Variants in HEATR5B observed in about 807,000 individuals in gnomAD.
The protein encoded by HEATR5B is HEAT repeat-containing protein 5B.
A neutral mutation model predicts 224.1 loss-of-function variants in HEATR5B; 156 were observed. The observed-to-expected ratio is 0.70, with a 90% confidence interval of 0.61 to 0.80. The LOEUF is 0.80. Among genes scored for constraint, HEATR5B ranks in the 30% least tolerant of loss-of-function variants. HEATR5B has a pLI of 0.00. For missense variants in HEATR5B, 2,323 were observed against 2,535.5 expected, an observed-to-expected ratio of 0.92 and a Z score of 1.80; for synonymous variants, 1,027 against 893.0, an observed-to-expected ratio of 1.15 and a Z score of -2.68.
chr2:37,000,882 T>A, intron 32 of HEATR5B, 69 bp from the exon 33 acceptor site: 1 of 1,065,454 alleles, frequency 9.4e-7, no homozygotes, highest in Non-Finnish European at 1.4e-6. Context: ...TTTCATTGCT[T>A]GTATTTTTTG....
At chr2:37,070,111 G>C (rs1460699221) in intron 7 of HEATR5B, 119 bp downstream of exon 7, 4 of 861,918 alleles carry the variant, frequency 4.6e-6, no homozygotes, top group Non-Finnish European at 7.4e-6. Flanking sequence ...TGTTAGTCAG[G>C]CTGGTCTCAA....
chr2:37,046,004 T>C (rs1241752219), intron 18 of HEATR5B, among the ~76,000 whole-genome samples: 1 of 152,200 alleles, frequency 6.6e-6, no homozygotes, highest in Admixed American at 6.5e-5. Context: ...GTACATTCTT[T>C]TAATGTTTAT....
rs6715167 is a variant in HEATR5B, at chr2:37,012,284, T to C, written c.4284+1557A>G. Among the ~76,000 whole-genome samples, 707 of 152,360 alleles carry C rather than the reference T, an allele frequency of 4.6e-3. 6 individuals are homozygous for C. The highest frequency in any genetic ancestry group is 0.016 in the African/African-American group (681 of 41,574). The stretch of plus-strand genomic sequence containing the variant: ...GATCAAGAAATACATTTAGGTTATT[T>C]CCACTTTTTTGTGAATAATAACACC... On this transcript the variant is annotated intron_variant, in intron 27 of 35. Coordinates refer to ENST00000233099, the MANE Select transcript of HEATR5B (RefSeq NM_019024.3).
rs1428834173 is a variant in HEATR5B at position 37,000,742 on chromosome 2, C to T, written c.5389G>A (p.Ala1797Thr). ...RILKDTAIKS[A>T]DNQVPPPVSA... ...ACTGGTGGAGGAACCTGATTATCTG[C>T]AGACTTTATTGCTGTGTCTTTCAAT... Residue 1797 changes from alanine to threonine, a missense_variant, in exon 33 of 36, where the codon GCA (alanine) becomes ACA (threonine). Coordinates refer to ENST00000233099, the MANE Select transcript of HEATR5B (RefSeq NM_019024.3). The T allele has an allele frequency of 3.7e-6, 6 of 1,614,060 alleles. No individual in the cohort carries two copies. The Admixed American group carries it at 6.7e-5, about 18-fold the overall frequency.
intron 3 of HEATR5B, among the ~76,000 whole-genome samples, chr2:37,078,394 C>G (rs1672361787): frequency 6.6e-6 from 1 of 152,148 alleles, no homozygotes; most frequent in South Asian, 2.1e-4. Flanking sequence ...AAATAGGACC[C>G]ATGGATCCAC....
chr2:37,082,498 T>A (rs563597151), intron 2 of HEATR5B, among the ~76,000 whole-genome samples: 1 of 152,274 alleles, frequency 6.6e-6, no homozygotes, highest in East Asian at 1.9e-4. Flanking sequence ...CTGTGACATG[T>A]TCATGATGGC....
chr2:37,076,317 TC>T (rs1207118654), intron 4 of HEATR5B, among the ~76,000 whole-genome samples: 1 of 152,118 alleles, frequency 6.6e-6, no homozygotes, highest in Non-Finnish European at 1.5e-5. Context: ...CCAATTCTAA[TC>T]CAATGACTGG....
chr2:37,080,006 CCTCT>C (rs1277118896), intron 2 of HEATR5B, among the ~76,000 whole-genome samples: 16 of 152,020 alleles, frequency 1.1e-4, no homozygotes, highest in Non-Finnish European at 1.5e-5. Flanking sequence ...TTAGAAAAGG[CCTCT>C]CTCTGAAAAG....
chr2:37,012,789 T>C (rs1667868672), intron 27 of HEATR5B, among the ~76,000 whole-genome samples: 1 of 152,218 alleles, frequency 6.6e-6, no homozygotes, highest in African/African-American at 2.4e-5. Flanking sequence ...CTCACTCTCA[T>C]GCCTAACTGA....
chr2:36,996,262 T>C lies in HEATR5B; in HGVS notation c.5545+4324A>G, dbSNP rs190208686. On this transcript the variant is annotated intron_variant, in intron 33 of 35. Coordinates refer to ENST00000233099, the MANE Select transcript of HEATR5B (RefSeq NM_019024.3). ...TTTTTAGTAGAGAGGGATTTCACCATGTTGGCCAGGCTGGTCTTGAACTCC... is the reference window on the plus strand; with the variant it reads ...TTTTTAGTAGAGAGGGATTTCACCACGTTGGCCAGGCTGGTCTTGAACTCC... Among the ~76,000 whole-genome samples, 3 of 151,610 alleles carry C rather than the reference T, an allele frequency of 2.0e-5. No homozygotes were observed. The East Asian group carries it at 5.9e-4, about 30-fold the overall frequency.
At chr2:37,011,485 A>G (rs1195914353) in intron 27 of HEATR5B, among the ~76,000 whole-genome samples, 2 of 152,200 alleles carry the variant, frequency 1.3e-5, no homozygotes, top group Non-Finnish European at 2.9e-5. Context: ...ATTATGCTAT[A>G]AAAAGTTGGA....
intron 19 of HEATR5B, 44 bp from the exon 20 acceptor site, chr2:37,040,562 G>C (rs113557926): frequency 9.1e-6 from 13 of 1,429,918 alleles, no homozygotes; most frequent in Non-Finnish European, 1.3e-5. Flanking sequence ...GGAAGAATTC[G>C]AATGTACTGA....
chr2:37,044,992 C>G (rs1300815077), intron 18 of HEATR5B, among the ~76,000 whole-genome samples: 1 of 152,142 alleles, frequency 6.6e-6, no homozygotes, highest in East Asian at 1.9e-4. Context: ...TTCTTCCTAC[C>G]TCATTGTCTA....
At chr2:37,060,350 T>A (rs1488728113) in intron 12 of HEATR5B, among the ~76,000 whole-genome samples, 1 of 152,160 alleles carries the variant, frequency 6.6e-6, no homozygotes, top group African/African-American at 2.4e-5. Flanking sequence ...GGGTTCTAGT[T>A]CCTGTCTAAC....
chr2:37,036,232 T>G (rs750829881), intron 21 of HEATR5B, among the ~76,000 whole-genome samples: 1 of 152,208 alleles, frequency 6.6e-6, no homozygotes, highest in African/African-American at 2.4e-5. Flanking sequence ...CCACTGCTTG[T>G]AGAATAAAGT....
chr2:37,031,356 A>G (rs1336479568), intron 22 of HEATR5B, among the ~76,000 whole-genome samples: 2 of 152,052 alleles, frequency 1.3e-5, no homozygotes, highest in East Asian at 1.9e-4. Context: ...ATACGTTAGT[A>G]AATAAAATTA....
At chr2:37,045,436 G>T (rs570696071) in intron 18 of HEATR5B, among the ~76,000 whole-genome samples, 16 of 152,234 alleles carry the variant, frequency 1.1e-4, no homozygotes, top group Non-Finnish European at 1.8e-4. Context: ...TTTAGGGTGG[G>T]TCAGGGATGT....
intron 27 of HEATR5B, among the ~76,000 whole-genome samples, chr2:37,012,421 G>A (rs1667842105): frequency 1.3e-5 from 2 of 151,280 alleles, no homozygotes; most frequent in African/African-American, 4.9e-5. Flanking sequence ...CAAGAGTCTC[G>A]CTCTTGTTGC....
At chr2:37,065,391 G>A (rs1671528505) in intron 9 of HEATR5B, among the ~76,000 whole-genome samples, 2 of 151,076 alleles carry the variant, frequency 1.3e-5, no homozygotes, top group African/African-American at 4.9e-5. Context: ...TCGGCTCACT[G>A]CAACCTATGC....
Sources: allele counts gnomAD v4.1 joint callset (sites outside exome capture counted in the v4.1 genomes callset), GRCh38; gene constraint gnomAD v4.1.1; transcripts MANE v1.5; gene names NCBI Gene and HGNC (gene_info 2026-07-23, HGNC 2026-07-21).